MBD2: variants seen among roughly 807,000 people sequenced by gnomAD.
The protein encoded by MBD2 is methyl-CpG binding domain protein 2.
MBD2 carries 9 observed loss-of-function variants against 39.3 expected under a neutral mutation model. The ratio of observed to expected loss-of-function variants is 0.23; its 90% CI spans 0.14 to 0.40. The LOEUF (loss-of-function observed/expected upper bound fraction) is 0.40, where lower values mean the gene tolerates loss of function less well. Among genes scored for constraint, MBD2 ranks in the 10% least tolerant of loss-of-function variants. The pLI is 1.00. For synonymous variants in MBD2, 233 were observed against 211.1 expected (o/e 1.10, Z -0.90); for missense variants, 458 against 532.6 (o/e 0.86, Z 1.38).
Position 54,206,155 on chromosome 18 carries a change from T to C in MBD2, c.543-998A>G, listed in dbSNP as rs184235380. On this transcript the variant is annotated intron_variant, in intron 1 of 6. Transcript: ENST00000256429. ...TGTACAATGCTGACCTGAGTTTTGT[T>C]AGCCAAACTCCTCCCTTAGGGAAGC... is the stretch of plus-strand genomic sequence containing the variant. Among the ~76,000 whole-genome samples, 695 of 152,362 alleles carry C rather than the reference T, an allele frequency of 4.6e-3. 10 individuals carry two copies. The highest frequency in any genetic ancestry group is 0.012 in the Admixed American group (189 of 15,304).
chr18:54,190,118 A>G (rs2086310648), intron 2 of MBD2, among the ~76,000 whole-genome samples: 1 of 152,250 alleles, frequency 6.6e-6, no homozygotes, highest in South Asian at 2.1e-4. Context: ...ACAAATATGT[A>G]CAAATGGTAG....
rs192652337 is a variant in MBD2, at chr18:54,161,012, G to A, written c.1110-1109C>T. ...GTAATTTTCTCTACCAATAACCGAG[G>A]AAGACAGATTGCAGCAATTCCCAAA... is the stretch of plus-strand genomic sequence containing the variant. On this transcript the variant is annotated intron_variant, in intron 5 of 6. Transcript: ENST00000256429. 2.3e-3 allele frequency among the ~76,000 whole-genome samples: 351 copies of A among 152,246 alleles called. 1 individual carries two copies. The highest frequency in any genetic ancestry group is 4.2e-3 in the Non-Finnish European group (287 of 68,026).
At chr18:54,175,219 T>C (rs1193416413) in intron 3 of MBD2, among the ~76,000 whole-genome samples, 1 of 152,206 alleles carries the variant, frequency 6.6e-6, no homozygotes, top group Non-Finnish European at 1.5e-5. Context: ...TCATCTAAAA[T>C]TCCTACATAT....
chr18:54,202,259 G>A (rs569605611), intron 2 of MBD2, among the ~76,000 whole-genome samples: 3 of 151,626 alleles, frequency 2.0e-5, no homozygotes, highest in East Asian at 3.9e-4. Context: ...AGAGACAATC[G>A]CTTGAACTTG....
chr18:54,159,643 T>A, intron 6 of MBD2, 122 bp downstream of exon 6: 3 of 1,013,296 alleles, frequency 3.0e-6, no homozygotes, highest in Non-Finnish European at 4.4e-6. Context: ...GGTCTCGAAC[T>A]ACTGAGCTCA....
At position 54,164,594 on chromosome 18, in the gene MBD2, C is replaced by A; in HGVS notation, c.1038G>T (p.Lys346Asn). ...ATGTGTTAAGCCAAACAGCAGGGTT[C>A]TTTTCCACAGCAGCGGAGACTTGCC... is the stretch of plus-strand genomic sequence containing the variant. ...ITGQVSAAVE[K>N]NPAVWLNTSQ... Residue 346 changes from lysine (K) to asparagine (N), a missense_variant, in exon 5 of 7, where the codon AAG becomes AAT. Physicochemically the swap from Lys to Asn is moderately conservative, Grantham distance 94. Coordinates refer to ENST00000256429, the MANE Select transcript of MBD2 (RefSeq NM_003927.5). The A allele has an allele frequency of 6.2e-7, 1 of 1,614,188 alleles. No homozygotes were observed. Among genetic ancestry groups the A allele is most frequent in the East Asian group, 2.2e-5 (1 of 44,884 alleles).
At chr18:54,203,734 G>A (rs565278735) in intron 2 of MBD2, among the ~76,000 whole-genome samples, 9 of 152,310 alleles carry the variant, frequency 5.9e-5, no homozygotes, top group Admixed American at 2.0e-4. Context: ...AACATGACAA[G>A]AGGCAAGAGA....
chr18:54,164,431 C>T (rs2086116276), intron 5 of MBD2, 92 bp downstream of exon 5: 2 of 1,110,920 alleles, frequency 1.8e-6, no homozygotes, highest in East Asian at 2.4e-5. Flanking sequence ...TGATATATCA[C>T]TTACTAGATA....
chr18:54,202,110 AGGTG>A (rs1314333915), intron 2 of MBD2, among the ~76,000 whole-genome samples: 1 of 152,196 alleles, frequency 6.6e-6, no homozygotes, highest in African/African-American at 2.4e-5. Flanking sequence ...TGGGAGGCTG[AGGTG>A]GGTGGATCAC....
At chr18:54,178,257 A>G (rs2086226428) in intron 3 of MBD2, among the ~76,000 whole-genome samples, 1 of 152,228 alleles carries the variant, frequency 6.6e-6, no homozygotes, top group African/African-American at 2.4e-5. Context: ...CAAAATTACC[A>G]GAAGTATAAA....
chr18:54,207,378 A>G (rs1276759240), intron 1 of MBD2, among the ~76,000 whole-genome samples: 4 of 152,360 alleles, frequency 2.6e-5, no homozygotes, highest in Non-Finnish European at 2.9e-5. Context: ...TTCAAGTCAG[A>G]AATAATCTAC....
intron 1 of MBD2, chr18:54,222,350 C>T: frequency 1.9e-6 from 1 of 518,292 alleles, no homozygotes; most frequent in Non-Finnish European, 3.9e-6. Context: ...CAAAGGTTTT[C>T]TCTCAGCACC....
chr18:54,192,458 C>T (rs1174255977), intron 2 of MBD2, among the ~76,000 whole-genome samples: 2 of 152,116 alleles, frequency 1.3e-5, no homozygotes, highest in Non-Finnish European at 2.9e-5. Flanking sequence ...GTCTCGATCT[C>T]TTGACCTTGT....
At chr18:54,175,569 C>A (rs1441024844) in intron 3 of MBD2, among the ~76,000 whole-genome samples, 1 of 152,220 alleles carries the variant, frequency 6.6e-6, no homozygotes, top group Admixed American at 6.5e-5. Context: ...GTGACAGATG[C>A]ACTTGAACAC....
chr18:54,204,460 T>A (rs1040734985), intron 2 of MBD2, among the ~76,000 whole-genome samples: 1 of 152,190 alleles, frequency 6.6e-6, no homozygotes, highest in Non-Finnish European at 1.5e-5. Context: ...CAAATGAGAT[T>A]TGCTTAAATT....
Position 54,201,928 on chromosome 18 carries a change from C to T in MBD2, c.702+3070G>A, listed in dbSNP as rs117689676. 9.8e-3 allele frequency among the ~76,000 whole-genome samples: 1,486 copies of T among 151,766 alleles called. 73 individuals carry two copies. The highest frequency in any genetic ancestry group is 0.076 in the Admixed American group (1,163 of 15,244). On this transcript the variant is annotated intron_variant, in intron 2 of 6. Transcript: ENST00000256429. ...GATATTATTCATCACCAGTAATTCA[C>T]CTCTGATATGGAAAACATGTTAAAA...
At chr18:54,217,060 G>A (rs1211770797) in intron 1 of MBD2, among the ~76,000 whole-genome samples, 1 of 152,158 alleles carries the variant, frequency 6.6e-6, no homozygotes, top group African/African-American at 2.4e-5. Flanking sequence ...CTGCACTCCA[G>A]CCTGGGCAAC....
At chr18:54,196,553 A>C (rs879747477) in intron 2 of MBD2, among the ~76,000 whole-genome samples, 1 of 152,174 alleles carries the variant, frequency 6.6e-6, no homozygotes, top group Non-Finnish European at 1.5e-5. Flanking sequence ...CCTTGGGAGA[A>C]CTATGGAAAT....
At chr18:54,157,001 C>T (rs1053190386) in intron 6 of MBD2, among the ~76,000 whole-genome samples, 2 of 152,116 alleles carry the variant, frequency 1.3e-5, no homozygotes, top group Admixed American at 6.5e-5. Flanking sequence ...GAGTCCATTC[C>T]GAAGCAACAG....
Sources: gnomAD v4.1 joint callset for allele counts (sites outside exome capture counted in the v4.1 genomes callset) on GRCh38, gnomAD v4.1.1 for gene constraint, MANE v1.5 for transcripts, NCBI Gene and HGNC (gene_info 2026-07-23, HGNC 2026-07-21) for gene names.